The following CACNA2D3 variants were observed in gnomAD, a reference collection of about 807,000 sequenced individuals.
CACNA2D3 encodes calcium voltage-gated channel auxiliary subunit alpha2delta 3, also known as voltage-dependent calcium channel subunit alpha-2/delta-3.
A neutral mutation model predicts 160.6 loss-of-function variants in CACNA2D3; 60 were observed. The ratio of observed to expected loss-of-function variants is 0.37; its 90% CI spans 0.30 to 0.46. CACNA2D3 has a LOEUF of 0.46. CACNA2D3 is among the 20% of genes least tolerant of loss of function. The pLI, the probability that CACNA2D3 is intolerant of heterozygous loss-of-function variation, is 1.00. For missense variants in CACNA2D3, 1,205 were observed against 1,365.0 expected (o/e 0.88, Z 1.85); for synonymous variants, 558 against 492.9 (o/e 1.13, Z -1.75).
intron 9 of CACNA2D3, among the ~76,000 whole-genome samples, chr3:54,594,836 T>A (rs550813635): frequency 6.6e-6 from 1 of 152,176 alleles, no homozygotes; most frequent in Non-Finnish European, 1.5e-5. Flanking sequence ...GTCAGCTGAG[T>A]TGACAGAAGA....
At chr3:54,242,267 AAAAAAC>A (rs1411572928) in intron 2 of CACNA2D3, among the ~76,000 whole-genome samples, 33 of 82,190 alleles carry the variant, frequency 4.0e-4, no homozygotes, top group African/African-American at 1.7e-3. Context: ...CTAAAAATAC[AAAAAAC>A]AAAAACAAAC....
At chr3:54,210,424 TTGTGTGTGTGTGTGTGTTTG>T (rs1349521742) in intron 2 of CACNA2D3, among the ~76,000 whole-genome samples, 1 of 151,292 alleles carries the variant, frequency 6.6e-6, no homozygotes, top group African/African-American at 2.4e-5. Flanking sequence ...TGCAAAGTTT[TTGTGTGTGTGTGTGTGTTTG>T]TGTGTGTGTG....
At chr3:54,747,119 C>T (rs1337329642) in intron 11 of CACNA2D3, among the ~76,000 whole-genome samples, 1 of 152,068 alleles carries the variant, frequency 6.6e-6, no homozygotes, top group African/African-American at 2.4e-5. Context: ...TTTGGTCTCA[C>T]TTAGACCTCA....
chr3:54,159,545 T>G (rs1700304560), intron 2 of CACNA2D3, among the ~76,000 whole-genome samples: 1 of 152,140 alleles, frequency 6.6e-6, no homozygotes, highest in African/African-American at 2.4e-5. Flanking sequence ...AAAAACAAAT[T>G]CAATGAACCT....
At chr3:54,222,735 A>G (rs1431642478) in intron 2 of CACNA2D3, among the ~76,000 whole-genome samples, 4 of 152,220 alleles carry the variant, frequency 2.6e-5, no homozygotes, top group Admixed American at 2.0e-4. Context: ...TCTGATCAAA[A>G]TTTATTCTGA....
intron 5 of CACNA2D3, among the ~76,000 whole-genome samples, chr3:54,546,549 C>T (rs1032653257): frequency 6.6e-5 from 10 of 152,228 alleles, no homozygotes; most frequent in Admixed American, 6.5e-4. Context: ...AAACCTCCCC[C>T]AAGACTCAAA....
At chr3:54,468,511 G>A (rs1202136178) in intron 4 of CACNA2D3, among the ~76,000 whole-genome samples, 1 of 152,172 alleles carries the variant, frequency 6.6e-6, no homozygotes, top group African/African-American at 2.4e-5. Flanking sequence ...CAGCCGTTTG[G>A]TCAGACACTG....
At chr3:55,040,814 G>A (rs1220349015) in intron 35 of CACNA2D3, among the ~76,000 whole-genome samples, 1 of 152,134 alleles carries the variant, frequency 6.6e-6, no homozygotes, top group Non-Finnish European at 1.5e-5. Flanking sequence ...TACAAAATGT[G>A]CATGCACATG....
At chr3:54,596,207 C>T (rs1360092017) in intron 9 of CACNA2D3, among the ~76,000 whole-genome samples, 1 of 152,024 alleles carries the variant, frequency 6.6e-6, no homozygotes, top group Non-Finnish European at 1.5e-5. Context: ...AATCTCCAGT[C>T]CCCGCCCCCC....
At chr3:54,879,592 G>A (rs1246763932) in intron 20 of CACNA2D3, among the ~76,000 whole-genome samples, 181 bp downstream of exon 20, 1 of 152,160 alleles carries the variant, frequency 6.6e-6, no homozygotes, top group Non-Finnish European at 1.5e-5. Flanking sequence ...GGGGGAGATG[G>A]TTCAGGCTCA....
chr3:54,888,721 C>T (rs1419547333), intron 24 of CACNA2D3, among the ~76,000 whole-genome samples: 3 of 146,996 alleles, frequency 2.0e-5, no homozygotes, highest in Non-Finnish European at 4.4e-5. Context: ...TCCCTTCTAT[C>T]CTGTTTCTCT....
At chr3:54,991,384 A>G (rs1488928937) in intron 31 of CACNA2D3, among the ~76,000 whole-genome samples, 1 of 151,924 alleles carries the variant, frequency 6.6e-6, no homozygotes, top group East Asian at 1.9e-4. Context: ...CACCATGCCC[A>G]GCTAATTTTT....
chr3:54,452,826 C>A (rs1420102611), intron 4 of CACNA2D3, among the ~76,000 whole-genome samples: 4 of 152,204 alleles, frequency 2.6e-5, no homozygotes, highest in African/African-American at 7.2e-5. Context: ...CTTGCCTCTT[C>A]TGGCTTCTGG....
intron 13 of CACNA2D3, among the ~76,000 whole-genome samples, chr3:54,797,965 C>T (rs1015016287): frequency 1.3e-5 from 2 of 152,168 alleles, no homozygotes; most frequent in Admixed American, 6.5e-5. Flanking sequence ...GGAAGATCTG[C>T]TTTGTAATAT....
At position 54,495,159 on chromosome 3, in the gene CACNA2D3, G is replaced by A. The variant is rs186058582; in HGVS notation, c.382-8333G>A. On this transcript the variant is annotated intron_variant, in intron 4 of 37. Transcript: ENST00000474759. ...GGGCTGGTCAAGGTATTTCCGCACA[G>A]TGAGGAGTGCCATTGATTGGTCTTT... 2.6e-5 allele frequency among the ~76,000 whole-genome samples: 4 copies of A among 152,290 alleles called. No individual in the cohort carries two copies. In the East Asian group the frequency reaches 5.8e-4, roughly 22 times the overall value.
chr3:54,603,191 C>T (rs1703096315), intron 9 of CACNA2D3, among the ~76,000 whole-genome samples: 1 of 152,188 alleles, frequency 6.6e-6, no homozygotes, highest in Non-Finnish European at 1.5e-5. Context: ...GGGCGCTGGC[C>T]GTGCAGCCCG....
chr3:54,782,483 G>C (rs1702554904), intron 13 of CACNA2D3, among the ~76,000 whole-genome samples: 2 of 152,048 alleles, frequency 1.3e-5, no homozygotes, highest in Admixed American at 1.3e-4. Flanking sequence ...GTTCCATATA[G>C]AGTTTTTGTG....
At chr3:54,606,506 T>G (rs531671281) in intron 9 of CACNA2D3, among the ~76,000 whole-genome samples, 1 of 152,146 alleles carries the variant, frequency 6.6e-6, no homozygotes, top group African/African-American at 2.4e-5. Flanking sequence ...GTGACAGGAC[T>G]TGCTGGCTAT....
chr3:54,880,436 C>T (rs181418841), intron 20 of CACNA2D3, among the ~76,000 whole-genome samples: 2 of 152,268 alleles, frequency 1.3e-5, no homozygotes, highest in African/African-American at 4.8e-5. Flanking sequence ...GCTGGAGAGA[C>T]CCATCTCTGG....
Sources: gnomAD v4.1 joint callset for allele counts (sites outside exome capture counted in the v4.1 genomes callset) on GRCh38, gnomAD v4.1.1 for gene constraint, MANE v1.5 for transcripts, NCBI Gene and HGNC (gene_info 2026-07-23, HGNC 2026-07-21) for gene names.